The following SYCP2 variants were observed in gnomAD, a reference collection of about 807,000 sequenced individuals.
SYCP2 encodes synaptonemal complex protein 2.
SYCP2 carries 55 observed loss-of-function variants against 211.3 expected under a neutral mutation model. The observed-to-expected ratio is 0.26, with a 90% CI of 0.21 to 0.33. The LOEUF is 0.33. Ranked by LOEUF, SYCP2 falls within the 10% of genes least tolerant of loss-of-function variation. The pLI is 1.00. For missense variants in SYCP2, 1,731 were observed against 1,752.0 expected, an observed-to-expected ratio of 0.99 and a Z score of 0.21; for synonymous variants, 570 against 555.2, an observed-to-expected ratio of 1.03 and a Z score of -0.37.
At position 59,866,107 on chromosome 20, in the gene SYCP2, C is replaced by T. The variant is rs568667347; in HGVS notation, c.4320+186G>A. On this transcript the variant is annotated intron_variant, in intron 41 of 44. Transcript: ENST00000357552. ...AGGATTTCTCATTATCAAAGATATT[C>T]ATCATAAATTTAAGTTCGTACTTCA... 7.2e-4 allele frequency among the ~76,000 whole-genome samples: 109 copies of T among 151,786 alleles called. 1 individual carries two copies. Among genetic ancestry groups the T allele is most frequent in the Middle Eastern group, 3.4e-3 (1 of 290 alleles).
rs891782956 is a variant in SYCP2, at chr20:59,890,513, G to A, written c.2364+1477C>T. Reference sequence around the variant, plus strand: ...GTATACCTATGTAACAAAACTGCACGTTCTGCACATGTACCCCAGAACTTA... The same window carrying A: ...GTATACCTATGTAACAAAACTGCACATTCTGCACATGTACCCCAGAACTTA... On this transcript the variant is annotated intron_variant, in intron 24 of 44. Transcript: ENST00000357552. Among the ~76,000 whole-genome samples, 9 of 151,968 alleles carry A rather than the reference G, an allele frequency of 5.9e-5. No individual in the cohort carries two copies. The South Asian group carries it at 6.2e-4, about 11-fold the overall frequency.
Position 59,882,151 on chromosome 20 carries a change from T to G in SYCP2, c.2544A>C (p.Lys848Asn). 6.2e-7 allele frequency: 1 copy of G among 1,611,974 alleles called. No individual in the cohort carries two copies. The highest frequency in any genetic ancestry group is 8.5e-7 in the Non-Finnish European group (1 of 1,178,718). The change falls in exon 27 of 45, where the codon AAA (lysine) becomes AAC (asparagine). Residue 848 changes from lysine to asparagine, a missense_variant. Around this residue, in one of 3 missense-constraint regions of SYCP2, gnomAD observed 1,387 missense variants for 1,351.3 expected, o/e 1.03. Transcript: ENST00000357552. ...TAGTCTTCAGTTTTCTGTAGCTTTT[T>G]TTCTGAACTTTTTCCTGAAAAGAGG... Reference protein sequence around the residue: ...VVQLSKEKVQKKSYRKLKTTF... With the variant: ...VVQLSKEKVQNKSYRKLKTTF...
intron 24 of SYCP2, among the ~76,000 whole-genome samples, chr20:59,889,570 T>C (rs991058454): frequency 2.0e-5 from 3 of 152,026 alleles, no homozygotes; most frequent in African/African-American, 7.2e-5. Context: ...TACACAAAAA[T>C]CTAGTAAACA....
Position 59,863,794 on chromosome 20 carries a change from G to C in SYCP2, c.*517C>G, listed in dbSNP as rs1478939422. ...CCATTTAGTGCTTCCTAATACATTA[G>C]AGCCATATCTGAATAAATGTTTCCA... On this transcript the variant is annotated 3_prime_UTR_variant, in exon 45 of 45. Transcript: ENST00000357552. 6.6e-6 allele frequency: 1 copy of C among 151,908 alleles called. No homozygotes were observed. The highest frequency in any genetic ancestry group is 1.5e-5 in the Non-Finnish European group (1 of 67,878). The allele number at this position is 151,908 out of a possible 1,614,324, so 9.4% of individuals were successfully genotyped here.
At chr20:59,891,217 T>G (rs533017015) in intron 24 of SYCP2, among the ~76,000 whole-genome samples, 1 of 151,986 alleles carries the variant, frequency 6.6e-6, no homozygotes, top group Non-Finnish European at 1.5e-5. Context: ...CTATAAAACC[T>G]GGATTATTTC....
intron 44 of SYCP2, among the ~76,000 whole-genome samples, chr20:59,865,058 T>C (rs2059301943): frequency 6.6e-6 from 1 of 152,038 alleles, no homozygotes; most frequent in Admixed American, 6.6e-5. Context: ...AGTTTTGTCC[T>C]GCCATATTTT....
At chr20:59,920,663 A>AGG (rs2060524572) in intron 4 of SYCP2, among the ~76,000 whole-genome samples, 176 bp from the exon 5 acceptor site, 1 of 151,640 alleles carries the variant, frequency 6.6e-6, no homozygotes, top group Non-Finnish European at 1.5e-5. Context: ...ACCTGCCCAA[A>AGG]GCCATACAGT....
chr20:59,915,697 T>C (rs755482917), intron 8 of SYCP2, 147 bp from the exon 9 acceptor site: 21 of 573,596 alleles, frequency 3.7e-5, no homozygotes, highest in Non-Finnish European at 6.2e-5. Context: ...GAGGAAAGAA[T>C]ATATAAAGTA....
chr20:59,871,878 T>C (rs979112762), intron 35 of SYCP2, among the ~76,000 whole-genome samples: 1 of 152,028 alleles, frequency 6.6e-6, no homozygotes, highest in Non-Finnish European at 1.5e-5. Context: ...TATATTGTTG[T>C]CTGTGGTTGA....
At chr20:59,928,787 T>A (rs1318121718) in intron 2 of SYCP2, among the ~76,000 whole-genome samples, 1 of 152,010 alleles carries the variant, frequency 6.6e-6, no homozygotes, top group African/African-American at 2.4e-5. Flanking sequence ...AGAAATCTAT[T>A]TTGCCATAAA....
chr20:59,921,216 A>C (rs1270224080), intron 4 of SYCP2, 94 bp downstream of exon 4: 3 of 1,055,224 alleles, frequency 2.8e-6, no homozygotes, highest in Non-Finnish European at 4.1e-6. Flanking sequence ...AGCTTGCCCA[A>C]GCCTATTCAT....
chr20:59,890,071 A>G (rs1014277430), intron 24 of SYCP2, among the ~76,000 whole-genome samples: 1 of 152,214 alleles, frequency 6.6e-6, no homozygotes, highest in African/African-American at 2.4e-5. Flanking sequence ...AGGATTATAA[A>G]TCATTCTACT....
intron 24 of SYCP2, among the ~76,000 whole-genome samples, chr20:59,888,711 CTT>C (rs779431696): frequency 1.2e-4 from 18 of 152,048 alleles, no homozygotes; most frequent in Admixed American, 5.9e-4. Context: ...AAATAAAACT[CTT>C]TGTTCACAAA....
At chr20:59,917,016 T>C (rs888034589) in intron 7 of SYCP2, among the ~76,000 whole-genome samples, 4 of 152,192 alleles carry the variant, frequency 2.6e-5, no homozygotes, top group Non-Finnish European at 5.9e-5. Context: ...TGAAATTAAG[T>C]CCTAATTCTA....
chr20:59,893,980 GTTTC>G (rs2059959180), intron 20 of SYCP2, among the ~76,000 whole-genome samples: 1 of 151,852 alleles, frequency 6.6e-6, no homozygotes, highest in South Asian at 2.1e-4. Context: ...CACTTTTCCT[GTTTC>G]TTCAGAATTA....
rs774055779 is a variant in SYCP2, at chr20:59,868,855, C to T, written c.3812G>A (p.Cys1271Tyr). The change falls in exon 37 of 45, where the codon TGT becomes TAT. Residue 1271 changes from cysteine (C) to tyrosine (Y), a missense_variant. By Grantham distance (194) the Cys-to-Tyr change is radical. This residue lies in a region of SYCP2 where 1,387 missense variants were observed against 1,351.3 expected (regional missense o/e 1.03). Transcript: ENST00000357552. Reference protein sequence around the residue: ...GREKTWFDMPCDATHVSGPTQ... With the variant: ...GREKTWFDMPYDATHVSGPTQ... The stretch of plus-strand genomic sequence containing the variant: ...CAAACCTGATACATGAGTAGCATCA[C>T]AGGGCATGTCAAACCACGTTTTCTC... 1 of 1,609,656 alleles carries T rather than the reference C, an allele frequency of 6.2e-7. No homozygotes were observed. The highest frequency in any genetic ancestry group is 1.7e-4 in the Middle Eastern group (1 of 6,040).
chr20:59,897,319 G>A (rs2060029382), intron 18 of SYCP2, among the ~76,000 whole-genome samples: 1 of 152,112 alleles, frequency 6.6e-6, no homozygotes, highest in Admixed American at 6.6e-5. Context: ...AAAATTCTAA[G>A]ATTAACTAGA....
At chr20:59,889,557 A>G (rs1034865682) in intron 24 of SYCP2, among the ~76,000 whole-genome samples, 2 of 151,952 alleles carry the variant, frequency 1.3e-5, no homozygotes, top group African/African-American at 4.8e-5. Flanking sequence ...AGTTGTAGTA[A>G]TATACACAAA....
intron 31 of SYCP2, among the ~76,000 whole-genome samples, chr20:59,879,822 AATAT>A (rs1159547809): frequency 0.14 from 7,008 of 50,156 alleles, 241 homozygotes; most frequent in East Asian, 0.22. Context: ...AATATAAATA[AATAT>A]ATATATATAT....
Sources: gnomAD v4.1 joint callset for allele counts (sites outside exome capture counted in the v4.1 genomes callset) on GRCh38, gnomAD v4.1.1 for gene constraint, gnomAD v4.1.1 regional missense constraint, MANE v1.5 for transcripts, NCBI Gene and HGNC (gene_info 2026-07-23, HGNC 2026-07-21) for gene names.